Variants in CACNA1C observed in about 807,000 individuals in gnomAD.
CACNA1C encodes the protein calcium voltage-gated channel subunit alpha1 C.
A neutral mutation model predicts 229.0 loss-of-function variants in CACNA1C; 30 were observed. The ratio of observed to expected loss-of-function variants is 0.13; its 90% CI spans 0.10 to 0.18. CACNA1C has a LOEUF of 0.18. Ranked by LOEUF, CACNA1C falls within the 10% of genes least tolerant of loss-of-function variation. The probability of loss-of-function intolerance (pLI) is 1.00; values close to 1 mark genes in which losing one functional copy is unlikely to be tolerated. For missense variants in CACNA1C, 1,658 were observed against 2,845.0 expected (o/e 0.58, Z 9.49); for synonymous variants, 1,114 against 1,132.5 (o/e 0.98, Z 0.33).
At position 2,679,582 on chromosome 12, in the gene CACNA1C, T is replaced by C. The variant is rs1346087244; in HGVS notation, c.5230T>C (p.Ser1744Pro). ...CAGCCAGGGCGACACTGAGTCGCCA[T>C]CCCACGAGAAGCTGGTGGACTCCAC... ...GSSQGDTESP[S>P]HEKLVDSTFT... Residue 1744 changes from serine (S) to proline (P), a missense_variant, in exon 42 of 47, where the codon TCC becomes CCC. Physicochemically the swap from Ser to Pro is moderately conservative, Grantham distance 74 (BLOSUM62 -1). Transcript: ENST00000399655. The surrounding 1 kb of genome is among the most constrained non-coding windows in gnomAD (Gnocchi z 5.5). The C allele has an allele frequency of 6.2e-7, 1 of 1,613,716 alleles. No homozygotes were observed. Among genetic ancestry groups the C allele is most frequent in the Non-Finnish European group, 8.5e-7 (1 of 1,179,784 alleles).
chr12:2,550,885 G>A lies in CACNA1C; in HGVS notation c.1481+852G>A, dbSNP rs183368720. 3.3e-5 allele frequency among the ~76,000 whole-genome samples: 5 copies of A among 152,332 alleles called. No individual in the cohort carries two copies. In the East Asian group the frequency reaches 5.8e-4, roughly 18 times the overall value. On this transcript the variant is annotated intron_variant, in intron 10 of 46. Coordinates refer to ENST00000399655, the MANE Select transcript of CACNA1C (RefSeq NM_000719.7). ...TGACGGCAGAGCAGCTCTCACAGCC[G>A]CTGTTTCCAGGGAGCGTGGAGCTTC...
At chr12:2,109,073 G>A (rs986808908) in intron 1 of CACNA1C, among the ~76,000 whole-genome samples, 2 of 152,216 alleles carry the variant, frequency 1.3e-5, no homozygotes, top group Admixed American at 6.5e-5. Flanking sequence ...AGCTGCGGCT[G>A]CTCACCCTCT....
intron 3 of CACNA1C, among the ~76,000 whole-genome samples, chr12:2,191,951 C>T (rs889331917): frequency 7.2e-5 from 11 of 151,988 alleles, no homozygotes; most frequent in African/African-American, 2.7e-4. Flanking sequence ...CACTCATACA[C>T]GCACACATGT....
chr12:2,472,685 C>T (rs2099599714), intron 5 of CACNA1C, among the ~76,000 whole-genome samples: 3 of 152,280 alleles, frequency 2.0e-5, no homozygotes, highest in Admixed American at 2.0e-4. Flanking sequence ...TGAACAATCT[C>T]ATTTTTTGTT....
chr12:2,095,896 CCAT>C (rs1164795618), intron 1 of CACNA1C, among the ~76,000 whole-genome samples: 1 of 152,190 alleles, frequency 6.6e-6, no homozygotes, highest in African/African-American at 2.4e-5. Flanking sequence ...TCATCATTCA[CCAT>C]CATTGGGAAT....
Position 2,605,159 on chromosome 12 carries a change from G to A in CACNA1C, c.3039G>A (p.Lys1013=), listed in dbSNP as rs1324965177. The A allele has an allele frequency of 6.2e-7, 1 of 1,611,412 alleles. No individual in the cohort carries two copies. The highest frequency in any genetic ancestry group is 1.1e-5 in the South Asian group (1 of 91,026). The change falls in exon 23 of 47, where the codon AAG becomes AAA. Residue 1013 remains lysine (K), a synonymous_variant. Transcript: ENST00000399655. This position sits in a 1 kb window ranked among gnomAD's most constrained non-coding sequence, Gnocchi z 6.2. ...LRPLRAINRA[K]GLKHVVQCVF... ...CCCTGAGGGCCATCAACAGGGCCAA[G>A]GGGCTAAAGGTGAGTTGAGGGCTTG...
chr12:2,352,578 T>A (rs1469678834), intron 3 of CACNA1C, among the ~76,000 whole-genome samples: 1 of 152,162 alleles, frequency 6.6e-6, no homozygotes, highest in Non-Finnish European at 1.5e-5. Context: ...GATGCTGAAA[T>A]TAGCACTGCA....
At chr12:2,260,516 CAGAA>C (rs1348509560) in intron 3 of CACNA1C, among the ~76,000 whole-genome samples, 4 of 146,312 alleles carry the variant, frequency 2.7e-5, no homozygotes, top group Non-Finnish European at 4.5e-5. Flanking sequence ...AAGAAAGAGA[CAGAA>C]AGAAAAGAAA....
At chr12:2,480,372 A>G (rs1462718964) in intron 5 of CACNA1C, among the ~76,000 whole-genome samples, 3 of 152,210 alleles carry the variant, frequency 2.0e-5, no homozygotes, top group South Asian at 4.1e-4. Context: ...TGCAGCCTCC[A>G]TGCCAAAGGA....
chr12:2,645,715 G>C (rs1161459025), intron 30 of CACNA1C, among the ~76,000 whole-genome samples: 1 of 152,140 alleles, frequency 6.6e-6, no homozygotes, highest in Non-Finnish European at 1.5e-5. Flanking sequence ...AATCACTCAG[G>C]GATTGCTCTC....
At chr12:2,301,290 G>A (rs894424564) in intron 3 of CACNA1C, among the ~76,000 whole-genome samples, 6 of 152,128 alleles carry the variant, frequency 3.9e-5, no homozygotes, top group Non-Finnish European at 7.3e-5. Flanking sequence ...AGTCAGCTCC[G>A]TATCTGTGGG....
chr12:2,196,940 C>T (rs7309333), intron 3 of CACNA1C, among the ~76,000 whole-genome samples: 10,023 of 152,262 alleles, frequency 0.066, 1,034 homozygotes, highest in African/African-American at 0.22. Context: ...CTGGGGAAAG[C>T]GAAGCCTCTA....
intron 9 of CACNA1C, among the ~76,000 whole-genome samples, chr12:2,543,129 G>A (rs1417809508): frequency 6.6e-6 from 1 of 152,072 alleles, no homozygotes; most frequent in African/African-American, 2.4e-5. Context: ...AAACACATTT[G>A]GTCCATAGCA....
chr12:2,358,601 GACT>G (rs2097457959), intron 3 of CACNA1C, among the ~76,000 whole-genome samples: 1 of 152,036 alleles, frequency 6.6e-6, no homozygotes, highest in South Asian at 2.1e-4. Flanking sequence ...TATAAGAAAG[GACT>G]TGAAAGAAAG....
chr12:2,313,130 G>T (rs187999751), intron 3 of CACNA1C, among the ~76,000 whole-genome samples: 1 of 152,164 alleles, frequency 6.6e-6, no homozygotes, highest in Non-Finnish European at 1.5e-5. Context: ...TGGTAAGGCC[G>T]CCCTGAGTCC....
chr12:2,482,028 T>C (rs2099677825), intron 5 of CACNA1C, among the ~76,000 whole-genome samples: 1 of 152,256 alleles, frequency 6.6e-6, no homozygotes, highest in Admixed American at 6.5e-5. Flanking sequence ...GGAGGAGCTG[T>C]TTCTGGGGCA....
At chr12:2,483,032 C>A (rs1044937955) in intron 5 of CACNA1C, among the ~76,000 whole-genome samples, 1 of 152,236 alleles carries the variant, frequency 6.6e-6, no homozygotes, top group Non-Finnish European at 1.5e-5. Flanking sequence ...CCCGTGCTCA[C>A]GCACGTGACT....
At chr12:2,360,147 A>G (rs1239674400) in intron 3 of CACNA1C, among the ~76,000 whole-genome samples, 1 of 130,458 alleles carries the variant, frequency 7.7e-6, no homozygotes, top group Admixed American at 7.6e-5. Context: ...ACACACACAA[A>G]CACACCCCAC....
chr12:2,182,917 C>T (rs76969230), intron 3 of CACNA1C, among the ~76,000 whole-genome samples: 4,447 of 152,226 alleles, frequency 0.029, 214 homozygotes, highest in African/African-American at 0.1. Flanking sequence ...GTCTTGGTTT[C>T]GGTCCTTAGT....
Sources: allele counts gnomAD v4.1 joint callset (sites outside exome capture counted in the v4.1 genomes callset), GRCh38; gene constraint gnomAD v4.1.1; non-coding constraint Gnocchi (gnomAD v3.1); transcripts MANE v1.5; gene names NCBI Gene and HGNC (gene_info 2026-07-23, HGNC 2026-07-21).